Variants in AUTS2 observed in about 807,000 individuals in gnomAD.
AUTS2 encodes the protein activator of transcription and developmental regulator AUTS2.
Under a neutral mutation model 112.4 loss-of-function variants are expected in AUTS2, and 17 were observed. That is an observed-to-expected ratio of 0.15 (90% CI 0.10 to 0.23). AUTS2 has a LOEUF of 0.23. AUTS2 is among the 10% of genes least tolerant of loss of function. The probability of loss-of-function intolerance (pLI) is 1.00; values close to 1 mark genes in which losing one functional copy is unlikely to be tolerated. For missense variants in AUTS2, 1,510 were observed against 1,701.6 expected (o/e 0.89, Z 1.98); for synonymous variants, 751 against 702.7 (o/e 1.07, Z -1.09).
At chr7:70,333,988 G>A (rs761035966) in intron 4 of AUTS2, among the ~76,000 whole-genome samples, 2 of 152,096 alleles carry the variant, frequency 1.3e-5, no homozygotes, top group African/African-American at 4.8e-5. Context: ...GCTGATTTTT[G>A]TGTGTTGATC....
At chr7:70,382,973 G>A (rs1793437979) in intron 4 of AUTS2, among the ~76,000 whole-genome samples, 1 of 152,130 alleles carries the variant, frequency 6.6e-6, no homozygotes, top group South Asian at 2.1e-4. Flanking sequence ...TTCTTTGTGT[G>A]TATACACAAT....
chr7:70,452,944 G>C (rs1796592123), intron 5 of AUTS2, among the ~76,000 whole-genome samples: 1 of 152,166 alleles, frequency 6.6e-6, no homozygotes, highest in Non-Finnish European at 1.5e-5. Flanking sequence ...ATTTACTAAT[G>C]TTGTGTGGTG....
At chr7:70,196,190 G>A (rs901330148) in intron 4 of AUTS2, among the ~76,000 whole-genome samples, 4 of 152,316 alleles carry the variant, frequency 2.6e-5, no homozygotes, top group Non-Finnish European at 5.9e-5. Context: ...ATGAAATTGA[G>A]ACAGCTTTGG....
At chr7:70,299,267 A>T (rs1051832344) in intron 4 of AUTS2, among the ~76,000 whole-genome samples, 3 of 152,190 alleles carry the variant, frequency 2.0e-5, no homozygotes, top group Non-Finnish European at 4.4e-5. Flanking sequence ...CATTTAGGTC[A>T]TCTTACCTAC....
intron 4 of AUTS2, among the ~76,000 whole-genome samples, chr7:70,160,458 C>T (rs544919272): frequency 6.6e-6 from 1 of 152,292 alleles, no homozygotes; most frequent in East Asian, 1.9e-4. Context: ...GGAAGAATAA[C>T]TTCTAACTCA....
intron 2 of AUTS2, among the ~76,000 whole-genome samples, chr7:70,002,113 GAT>G (rs1174827061): frequency 1.4e-4 from 22 of 152,100 alleles, no homozygotes; most frequent in African/African-American, 5.3e-4. Context: ...CCTAACAAGT[GAT>G]ATAAGTAAAC....
intron 5 of AUTS2, among the ~76,000 whole-genome samples, chr7:70,648,804 T>G (rs1302338229): frequency 2.6e-5 from 4 of 152,202 alleles, no homozygotes; most frequent in Non-Finnish European, 5.9e-5. Flanking sequence ...CAAGCTGGTC[T>G]CGAACTCCTT....
At chr7:70,300,453 G>A (rs1211301545) in intron 4 of AUTS2, among the ~76,000 whole-genome samples, 4 of 152,134 alleles carry the variant, frequency 2.6e-5, no homozygotes. Flanking sequence ...GACTTAGTGT[G>A]CCTACCTGCA....
intron 1 of AUTS2, among the ~76,000 whole-genome samples, chr7:69,749,679 G>A (rs917158928): frequency 2.0e-5 from 3 of 152,244 alleles, no homozygotes; most frequent in Middle Eastern, 3.4e-3. Flanking sequence ...ATTCAAAACC[G>A]CTCCTGCACT....
intron 6 of AUTS2, among the ~76,000 whole-genome samples, chr7:70,724,442 A>ATTTTTTTTTT (rs1563153741): frequency 2.1e-4 from 20 of 95,906 alleles, no homozygotes; most frequent in South Asian, 8.7e-4. Context: ...TTTCATCCTG[A>ATTTTTTTTTT]CTTTTTTTTT....
At chr7:69,757,822 T>C (rs1788003392) in intron 1 of AUTS2, among the ~76,000 whole-genome samples, 1 of 152,240 alleles carries the variant, frequency 6.6e-6, no homozygotes, top group Admixed American at 6.5e-5. Context: ...TATTCATTCA[T>C]TCATTGCTTT....
intron 1 of AUTS2, among the ~76,000 whole-genome samples, chr7:69,758,693 A>G (rs1284699518): frequency 1.3e-5 from 2 of 152,286 alleles, no homozygotes; most frequent in African/African-American, 2.4e-5. Context: ...CAACCTCCGT[A>G]TTGTCCTTAA....
intron 2 of AUTS2, among the ~76,000 whole-genome samples, chr7:69,994,494 GTGTGTGTGTT>G (rs1215839868): frequency 1.3e-5 from 2 of 152,124 alleles, no homozygotes; most frequent in Non-Finnish European, 2.9e-5. Flanking sequence ...AAAAATATCT[GTGTGTGTGTT>G]TGTGTGTGTT....
chr7:70,057,134 A>G (rs1306577794), intron 2 of AUTS2, among the ~76,000 whole-genome samples: 2 of 152,148 alleles, frequency 1.3e-5, no homozygotes, highest in East Asian at 3.9e-4. Flanking sequence ...TGAATCGCAT[A>G]CAAAGCAGGT....
intron 1 of AUTS2, among the ~76,000 whole-genome samples, chr7:69,743,566 C>T (rs1787358558): frequency 6.6e-6 from 1 of 152,088 alleles, no homozygotes; most frequent in Non-Finnish European, 1.5e-5. Context: ...GAGCTACAGT[C>T]ACCACTGCTA....
intron 5 of AUTS2, among the ~76,000 whole-genome samples, chr7:70,516,571 C>T (rs1310099751): frequency 2.0e-5 from 3 of 152,182 alleles, no homozygotes; most frequent in Admixed American, 6.5e-5. Flanking sequence ...GGTTCTTCGT[C>T]TCATTGTCCT....
chr7:70,759,006 A>C (rs573659418), intron 6 of AUTS2, among the ~76,000 whole-genome samples: 9 of 152,222 alleles, frequency 5.9e-5, no homozygotes, highest in Non-Finnish European at 1.2e-4. Flanking sequence ...CTTTGTTTAT[A>C]GGTTGCAGTA....
chr7:70,304,717 CTTTTTTTTTT>C (rs11464532), intron 4 of AUTS2, among the ~76,000 whole-genome samples: 6 of 101,324 alleles, frequency 5.9e-5, no homozygotes, highest in African/African-American at 1.1e-4. Context: ...GGATTTTTAA[CTTTTTTTTTT>C]TTTTTTTTTT....
chr7:70,455,547 C>A (rs769522654), intron 5 of AUTS2, among the ~76,000 whole-genome samples: 6 of 152,138 alleles, frequency 3.9e-5, no homozygotes, highest in Non-Finnish European at 7.3e-5. Context: ...AGAGGTGGTT[C>A]CCTACCTGGC....
Sources: allele counts gnomAD v4.1 joint callset (sites outside exome capture counted in the v4.1 genomes callset), GRCh38; gene constraint gnomAD v4.1.1; transcripts MANE v1.5; gene names NCBI Gene and HGNC (gene_info 2026-07-23, HGNC 2026-07-21).